Variants in DAAM2 observed in about 807,000 individuals in gnomAD.
DAAM2 encodes dishevelled associated activator of morphogenesis 2.
Under a neutral mutation model 120.7 loss-of-function variants are expected in DAAM2, and 39 were observed. That is an observed-to-expected ratio of 0.32 (90% CI 0.25 to 0.42). The LOEUF is 0.42. DAAM2 is among the 10% of genes least tolerant of loss of function. The pLI is 1.00. For missense variants in DAAM2, 1,283 were observed against 1,401.7 expected, an observed-to-expected ratio of 0.92 and a Z score of 1.35; for synonymous variants, 488 against 524.9, an observed-to-expected ratio of 0.93 and a Z score of 0.96.
chr6:39,868,606 G>C (rs563145162), intron 6 of DAAM2: 36 of 559,996 alleles, frequency 6.4e-5, no homozygotes, highest in Admixed American at 3.7e-4. Flanking sequence ...GAGTGGAGAG[G>C]AAGTGAGGCA....
At chr6:39,900,431 G>T (rs1362391484) in intron 23 of DAAM2, among the ~76,000 whole-genome samples, 1 of 152,304 alleles carries the variant, frequency 6.6e-6, no homozygotes, top group African/African-American at 2.4e-5. Flanking sequence ...GTGTTTTAAT[G>T]ATTTGTCACC....
In DAAM2 at chr6:39,903,210, C is replaced by T. The variant is rs1766589423; in HGVS notation, c.*1173C>T. 6.6e-6 allele frequency: 1 copy of T among 152,340 alleles called. No individual in the cohort carries two copies. Among genetic ancestry groups the T allele is most frequent in the Non-Finnish European group, 1.5e-5 (1 of 68,132 alleles). 9.4% of individuals were successfully genotyped at this position (152,340 alleles called of 1,614,324 possible). ...AACATGCTGTCTCTAAGGGTGGCCC[C>T]TCCTCTCAGGCGTTCAGATGGTGCG... On this transcript the variant is annotated 3_prime_UTR_variant, in exon 25 of 25. Transcript: ENST00000274867.
intron 19 of DAAM2, among the ~76,000 whole-genome samples, chr6:39,893,771 T>G (rs996046051): frequency 2.0e-5 from 3 of 152,156 alleles, no homozygotes; most frequent in African/African-American, 7.2e-5. Context: ...TAGAATCAGA[T>G]CAGTGTGTGT....
chr6:39,863,849 C>A (rs1342754051), intron 3 of DAAM2, among the ~76,000 whole-genome samples: 1 of 152,046 alleles, frequency 6.6e-6, no homozygotes, highest in Non-Finnish European at 1.5e-5. Flanking sequence ...AAATCACAGG[C>A]CTAAGGGGGT....
chr6:39,884,069 G>C lies in DAAM2; in HGVS notation c.1953G>C (p.Gln651His). ...TGTTTTCAGCCTACCAGAGGCACCA[G>C]GTAAGACCCTATACCCTCTGGCCTC... ...EKMFSAYQRH[Q>H]KELGSTEDIY... Residue 651 changes from glutamine to histidine, a missense_variant and splice_region_variant, in exon 15 of 25, where the codon CAG (glutamine) becomes CAC (histidine). By Grantham distance (24) the Gln-to-His change is conservative. Around this residue, in one of 3 missense-constraint regions of DAAM2, gnomAD observed 748 missense variants for 768.6 expected, o/e 0.97. Transcript: ENST00000274867. The C allele has an allele frequency of 6.4e-7, 1 of 1,557,664 alleles. No individual in the cohort carries two copies. The highest frequency in any genetic ancestry group is 2.3e-5 in the East Asian group (1 of 44,350).
At chr6:39,836,013 G>T (rs184401333) in intron 1 of DAAM2, among the ~76,000 whole-genome samples, 89 of 152,230 alleles carry the variant, frequency 5.8e-4, no homozygotes, top group Middle Eastern at 3.4e-3. Flanking sequence ...TAACAAATGA[G>T]TCTGGACAGA....
At chr6:39,830,281 A>G (rs1475055245) in intron 1 of DAAM2, among the ~76,000 whole-genome samples, 1 of 152,172 alleles carries the variant, frequency 6.6e-6, no homozygotes, top group Non-Finnish European at 1.5e-5. Flanking sequence ...ATGGAGAGGC[A>G]TGACTCTCAG....
chr6:39,866,170 TG>T (rs1395227938), intron 5 of DAAM2, among the ~76,000 whole-genome samples: 2 of 152,034 alleles, frequency 1.3e-5, no homozygotes, highest in African/African-American at 4.8e-5. Context: ...CTGGTAGTGG[TG>T]GGGCTCTGGA....
intron 1 of DAAM2, chr6:39,848,992 A>G (rs1372341432): frequency 1.3e-5 from 2 of 152,230 alleles, no homozygotes; most frequent in Non-Finnish European, 1.5e-5. Flanking sequence ...CTAGATTTAG[A>G]GGGCAACGCT....
chr6:39,820,969 G>A (rs1762469382), intron 1 of DAAM2: 1 of 152,174 alleles, frequency 6.6e-6, no homozygotes, highest in Non-Finnish European at 1.5e-5. Flanking sequence ...GAGTTCCCTT[G>A]GGGAAGGGTC....
At chr6:39,871,302 C>G (rs1370755041) in intron 8 of DAAM2, among the ~76,000 whole-genome samples, 1 of 152,128 alleles carries the variant, frequency 6.6e-6, no homozygotes, top group East Asian at 1.9e-4. Context: ...CTGGATTGGC[C>G]TCCCTGAAGG....
intron 1 of DAAM2, among the ~76,000 whole-genome samples, chr6:39,807,905 G>A (rs779438152): frequency 6.6e-6 from 1 of 152,134 alleles, no homozygotes; most frequent in Non-Finnish European, 1.5e-5. Context: ...CAGACTCCTA[G>A]TTCATCTCCC....
At chr6:39,846,551 A>G (rs1232745455) in intron 1 of DAAM2, among the ~76,000 whole-genome samples, 2 of 152,110 alleles carry the variant, frequency 1.3e-5, no homozygotes, top group Non-Finnish European at 2.9e-5. Flanking sequence ...GAGTATTCCC[A>G]GCTCTCATTC....
chr6:39,841,779 AG>A (rs1485620301), intron 1 of DAAM2, among the ~76,000 whole-genome samples: 1 of 152,126 alleles, frequency 6.6e-6, no homozygotes, highest in Non-Finnish European at 1.5e-5. Context: ...GACTGTTCTC[AG>A]GGCTTGAGGA....
rs1766603431 is a variant in DAAM2, at chr6:39,903,486, A to G, written c.*1449A>G. ...GATGGGATGGCTGTATCTAGACAAA[A>G]TTTTTCTAAAACTCCATCAAGGCTC... is the stretch of plus-strand genomic sequence containing the variant. On this transcript the variant is annotated 3_prime_UTR_variant, in exon 25 of 25. Coordinates refer to ENST00000274867, the MANE Select transcript of DAAM2 (RefSeq NM_001201427.2). 1 of 151,974 alleles carries G rather than the reference A, an allele frequency of 6.6e-6. No individual in the cohort carries two copies. The highest frequency in any genetic ancestry group is 1.5e-5 in the Non-Finnish European group (1 of 68,010). The allele number at this position is 151,974 out of a possible 1,614,324, so 9.4% of individuals were successfully genotyped here.
At chr6:39,807,120 T>G (rs1311139756) in intron 1 of DAAM2, among the ~76,000 whole-genome samples, 1 of 151,674 alleles carries the variant, frequency 6.6e-6, no homozygotes, top group African/African-American at 2.4e-5. Context: ...ATATATCCAT[T>G]ATCAACCAGA....
chr6:39,831,730 G>T (rs867422440), intron 1 of DAAM2, among the ~76,000 whole-genome samples: 1 of 143,668 alleles, frequency 7.0e-6, no homozygotes, highest in African/African-American at 2.6e-5. Context: ...AGGTGCACTA[G>T]GGGGCAGGTG....
At chr6:39,834,313 C>T (rs1238827907) in intron 1 of DAAM2, among the ~76,000 whole-genome samples, 1 of 152,154 alleles carries the variant, frequency 6.6e-6, no homozygotes. Context: ...TACCTACATC[C>T]TTCTTTTTTC....
At chr6:39,857,980 T>G (rs1764073484) in intron 2 of DAAM2, among the ~76,000 whole-genome samples, 1 of 151,994 alleles carries the variant, frequency 6.6e-6, no homozygotes, top group African/African-American at 2.4e-5. Context: ...TGGGAGTGTC[T>G]AGCAGGGAGC....
Sources: gnomAD v4.1 joint callset for allele counts (sites outside exome capture counted in the v4.1 genomes callset) on GRCh38, gnomAD v4.1.1 for gene constraint, gnomAD v4.1.1 regional missense constraint, MANE v1.5 for transcripts, NCBI Gene and HGNC (gene_info 2026-07-23, HGNC 2026-07-21) for gene names.